Variants in NCOR2 observed in about 807,000 individuals in gnomAD.
The protein encoded by NCOR2 is nuclear receptor corepressor 2.
In NCOR2, 81 loss-of-function variants were observed where a neutral mutation model predicts 262.9. That is an observed-to-expected ratio of 0.31 (90% CI 0.26 to 0.37). NCOR2 has a LOEUF of 0.37. NCOR2 is among the 10% of genes least tolerant of loss of function. The pLI is 1.00. For synonymous variants in NCOR2, 1,659 were observed against 1,559.3 expected (o/e 1.06, Z -1.51); for missense variants, 3,385 against 3,621.4 (o/e 0.93, Z 1.68).
chr12:124,472,670 T>G (rs1245180390), intron 4 of NCOR2, among the ~76,000 whole-genome samples: 1 of 152,242 alleles, frequency 6.6e-6, no homozygotes, highest in East Asian at 1.9e-4. Flanking sequence ...AAGGCACATT[T>G]AATACGTATA....
chr12:124,516,148 C>G (rs1327538351), intron 1 of NCOR2, among the ~76,000 whole-genome samples: 1 of 152,220 alleles, frequency 6.6e-6, no homozygotes, highest in Non-Finnish European at 1.5e-5. Flanking sequence ...GGGGCCTGGA[C>G]GCCCGGGGAA....
intron 1 of NCOR2, among the ~76,000 whole-genome samples, chr12:124,555,509 G>T (rs1436033710): frequency 6.6e-6 from 1 of 152,154 alleles, no homozygotes; most frequent in East Asian, 1.9e-4. Flanking sequence ...GTCCCCCCAA[G>T]CGTCCACTCC....
At chr12:124,332,519 C>T (rs751379640) in intron 42 of NCOR2, 52 bp from the exon 45 acceptor site, 1 of 1,611,706 alleles carries the variant, frequency 6.2e-7, no homozygotes, top group Non-Finnish European at 8.5e-7. Context: ...AGCTTGCATG[C>T]CTTTGATGAT....
intron 44 of NCOR2, among the ~76,000 whole-genome samples, chr12:124,330,306 C>A (rs1182431158): frequency 6.6e-6 from 1 of 152,212 alleles, no homozygotes; most frequent in African/African-American, 2.4e-5. Context: ...CCTCAAGGGA[C>A]CCCTAAGTCC....
At chr12:124,540,128 A>C (rs1419322473), upstream of NCOR2, among the ~76,000 whole-genome samples, 3 of 144,074 alleles carry the variant, frequency 2.1e-5, no homozygotes, top group Non-Finnish European at 4.6e-5. Context: ...ACACCCAAAC[A>C]CCCTCCGGTA....
At chr12:124,325,392 C>CCCCCCCCCCCCA in exon 47 of NCOR2, 1 of 1,152,268 alleles carries the variant, frequency 8.7e-7, no homozygotes, top group Non-Finnish European at 1.1e-6. Flanking sequence ...CCCCCCCGCC[C>CCCCCCCCCCCCA]TGTTCTGAGT....
chr12:124,361,982 CT>C lies in NCOR2; in HGVS notation c.3100+143del, dbSNP rs988404960. 6.8e-6 allele frequency: 5 copies of C among 737,380 alleles called. No homozygotes were observed. The Admixed American group carries it at 1.3e-4, about 19-fold the overall frequency. The allele number at this position is 737,380 out of a possible 1,614,324, so 45.7% of individuals were successfully genotyped here. The stretch of plus-strand genomic sequence containing the variant: ...CCCTACCATTCCCAACTGCCTCCCC[CT>C]GCTCAACTGTTCCATTCGTTTACTT... On this transcript the variant is annotated intron_variant, in intron 22 of 46. Coordinates refer to ENST00000405201, the Ensembl canonical transcript of NCOR2.
intron 17 of NCOR2, among the ~76,000 whole-genome samples, chr12:124,379,313 A>G (rs942222372): frequency 6.6e-5 from 10 of 152,160 alleles, no homozygotes; most frequent in Non-Finnish European, 1.3e-4. Flanking sequence ...TTCTTCCCCC[A>G]GCTTAGGCAC....
intron 1 of NCOR2, among the ~76,000 whole-genome samples, chr12:124,544,767 T>A (rs1330643642): frequency 1.3e-5 from 2 of 152,042 alleles, no homozygotes; most frequent in Non-Finnish European, 2.9e-5. Context: ...GGGGCTGACA[T>A]ACAGAGTCCC....
rs779884806 is a variant in NCOR2 at position 124,400,544 on chromosome 12, G to A, written c.1770C>T (p.Ala590=). The change falls in exon 15 of 47, where the codon GCC becomes GCT. Residue 590 remains alanine, a synonymous_variant. Coordinates refer to ENST00000405201, the Ensembl canonical transcript of NCOR2. The stretch of plus-strand genomic sequence containing the variant: ...GGGGGGTGATGGCCTCCTCGCTGTT[G>A]GCCTCATTAGCCATTGAGCGGGTGA... The A allele has an allele frequency of 1.1e-5, 17 of 1,614,046 alleles. No homozygotes were observed. The South Asian group carries it at 1.8e-4, about 17-fold the overall frequency.
At chr12:124,337,250 C>A in intron 37 of NCOR2, 70 bp from the exon 40 acceptor site, 2 of 1,492,712 alleles carry the variant, frequency 1.3e-6, no homozygotes, top group South Asian at 1.2e-5. Context: ...CTCGATGAGT[C>A]CCCATTGCCC....
intron 13 of NCOR2, among the ~76,000 whole-genome samples, chr12:124,416,824 C>T (rs953185445): frequency 1.4e-5 from 2 of 147,890 alleles, no homozygotes; most frequent in Non-Finnish European, 3.0e-5. Context: ...ATAGACCCCG[C>T]GGCACAGGGA....
At chr12:124,325,655 C>A in intron 46 of NCOR2, 72 bp from the exon 49 acceptor site, 1 of 1,083,792 alleles carries the variant, frequency 9.2e-7, no homozygotes, top group East Asian at 3.2e-5. Flanking sequence ...GCCTGCCCAC[C>A]ACACCGGGAA....
Position 124,525,757 on chromosome 12 carries a change from G to A in NCOR2, c.-118+9808C>T, listed in dbSNP as rs191140365. Reference sequence around the variant, plus strand: ...CAGGTGGCACCTGCACCATCCACACGATGAAAAGCAGCTGCCGTGGAGTCA... The same window carrying A: ...CAGGTGGCACCTGCACCATCCACACAATGAAAAGCAGCTGCCGTGGAGTCA... On this transcript the variant is annotated intron_variant, in intron 1 of 46. Transcript: ENST00000404621. 1.8e-4 allele frequency among the ~76,000 whole-genome samples: 28 copies of A among 152,324 alleles called. No individual in the cohort carries two copies. In the East Asian group the frequency reaches 5.0e-3, roughly 27 times the overall value.
chr12:124,325,653 A>C, intron 46 of NCOR2, 70 bp from the exon 49 acceptor site: 1 of 1,092,606 alleles, frequency 9.2e-7, no homozygotes, highest in Non-Finnish European at 1.2e-6. Flanking sequence ...CCGCCTGCCC[A>C]CCACACCGGG....
intron 16 of NCOR2, among the ~76,000 whole-genome samples, chr12:124,395,408 T>C (rs1314778051): frequency 6.6e-6 from 1 of 152,150 alleles, no homozygotes; most frequent in Admixed American, 6.5e-5. Flanking sequence ...TCCAGATTGC[T>C]GTAATTCACG....
intron 1 of NCOR2, among the ~76,000 whole-genome samples, chr12:124,522,855 A>G (rs865092): frequency 0.58 from 88,848 of 152,080 alleles, 26,818 homozygotes; most frequent in East Asian, 0.81. Context: ...GACCTGAGAG[A>G]TCCCACAGCC....
intron 31 of NCOR2, among the ~76,000 whole-genome samples, chr12:124,345,794 T>A (rs1368174859): frequency 1.3e-5 from 2 of 152,172 alleles, no homozygotes; most frequent in Non-Finnish European, 2.9e-5. Context: ...TCCTACAAGC[T>A]GGAACCCCTC....
chr12:124,325,392 CTGTTCTGAGT>C, exon 47 of NCOR2: 1 of 1,152,268 alleles, frequency 8.7e-7, no homozygotes, highest in Non-Finnish European at 1.1e-6. Flanking sequence ...CCCCCCCGCC[CTGTTCTGAGT>C]CACTCGCTGT....
Sources: allele counts gnomAD v4.1 joint callset (sites outside exome capture counted in the v4.1 genomes callset), GRCh38; gene constraint gnomAD v4.1.1; transcripts MANE v1.5; gene names NCBI Gene and HGNC (gene_info 2026-07-23, HGNC 2026-07-21).